The following CMC1 variants were observed in gnomAD, a reference collection of about 807,000 sequenced individuals.
The protein encoded by CMC1 is C-X9-C motif containing 1.
Under a neutral mutation model 14.1 loss-of-function variants are expected in CMC1, and 14 were observed. The observed-to-expected ratio is 0.99, with a 90% CI of 0.66 to 1.55. CMC1 has a LOEUF of 1.55. Among genes scored for constraint, CMC1 ranks in the 40% most tolerant of loss-of-function variants. The pLI is 0.00. For synonymous variants in CMC1, 50 were observed against 38.4 expected (o/e 1.30, Z -1.12); for missense variants, 127 against 123.8 (o/e 1.03, Z -0.12).
chr3:28,281,568 C>T (rs1376643758), intron 2 of CMC1, among the ~76,000 whole-genome samples: 1 of 152,140 alleles, frequency 6.6e-6, no homozygotes, highest in African/African-American at 2.4e-5. Context: ...ATGTTCAATA[C>T]TGTGAGAAGT....
At chr3:28,291,163 T>C (rs2125548180) in intron 2 of CMC1, among the ~76,000 whole-genome samples, 1 of 152,234 alleles carries the variant, frequency 6.6e-6, no homozygotes, top group East Asian at 1.9e-4. Context: ...TGTAACTCAG[T>C]CATAGAAGTG....
At chr3:28,268,816 T>C (rs1236704669) in intron 2 of CMC1, among the ~76,000 whole-genome samples, 1 of 152,234 alleles carries the variant, frequency 6.6e-6, no homozygotes, top group Non-Finnish European at 1.5e-5. Context: ...AATAGGCTTA[T>C]ATCAATCATA....
chr3:28,320,900 TCA>T lies in CMC1; in HGVS notation c.*1274_*1275del, dbSNP rs1441293292. The T allele has an allele frequency of 3.3e-5, 5 of 151,504 alleles. No homozygotes were observed. The East Asian group carries it at 9.8e-4, about 30-fold the overall frequency. The allele number at this position is 151,504 out of a possible 1,614,324, so 9.4% of individuals were successfully genotyped here. On this transcript the variant is annotated 3_prime_UTR_variant, in exon 4 of 4. Transcript: ENST00000466830. ...AGATAAGTAAATTTTACGTATATTT[TCA>T]CAGTCCTCATTAAAATCACAAATAG... is the stretch of plus-strand genomic sequence containing the variant.
At chr3:28,243,261 C>A (rs548172625) in intron 1 of CMC1, among the ~76,000 whole-genome samples, 1 of 151,876 alleles carries the variant, frequency 6.6e-6, no homozygotes, top group Non-Finnish European at 1.5e-5. Context: ...TCGCCGTGTT[C>A]GCCATGCTGG....
intron 1 of CMC1, among the ~76,000 whole-genome samples, chr3:28,248,747 C>T (rs951013335): frequency 6.6e-6 from 1 of 152,118 alleles, no homozygotes; most frequent in African/African-American, 2.4e-5. Context: ...ACTATTGATA[C>T]CCAAGTTAAC....
chr3:28,250,882 A>G (rs1301892798), intron 1 of CMC1, among the ~76,000 whole-genome samples: 1 of 152,210 alleles, frequency 6.6e-6, no homozygotes, highest in African/African-American at 2.4e-5. Context: ...ACCATTGTTC[A>G]GGATATTTTT....
chr3:28,271,031 A>G (rs1577016608), intron 2 of CMC1, among the ~76,000 whole-genome samples: 1 of 150,798 alleles, frequency 6.6e-6, no homozygotes, highest in East Asian at 2.0e-4. Context: ...CCCAGGTTCA[A>G]GCGATTCTCC....
chr3:28,281,016 G>T lies in CMC1; in HGVS notation c.109+17636G>T, dbSNP rs143782960. Among the ~76,000 whole-genome samples the T allele has an allele frequency of 2.0e-3, 298 of 152,288 alleles. 1 individual carries two copies. The highest frequency in any genetic ancestry group is 3.2e-3 in the African/African-American group (132 of 41,550). On this transcript the variant is annotated intron_variant, in intron 2 of 3. Coordinates refer to ENST00000466830, the MANE Select transcript of CMC1 (RefSeq NM_182523.2). ...GGGTAGTTGCAACAGAGACCATATG[G>T]CCTACAAAGCCTAAAATGTTTACTC...
intron 2 of CMC1, among the ~76,000 whole-genome samples, chr3:28,271,488 G>A (rs1340564465): frequency 6.6e-6 from 1 of 152,122 alleles, no homozygotes; most frequent in African/African-American, 2.4e-5. Flanking sequence ...TTTTTGTCAG[G>A]TTTGTCGAAG....
chr3:28,241,783 G>T lies in CMC1; in HGVS notation c.-11G>T, dbSNP rs1559392455. ...GCCGCCAAGCGGCTACGTTCTTCTC[G>T]GCCCGCCGAGATGGCGCTCGACCCC... is the stretch of plus-strand genomic sequence containing the variant. On this transcript the variant is annotated 5_prime_UTR_variant, in exon 1 of 4. Transcript: ENST00000466830. 1.0e-5 allele frequency: 13 copies of T among 1,240,752 alleles called. No individual in the cohort carries two copies. The highest frequency in any genetic ancestry group is 1.2e-5 in the Non-Finnish European group (12 of 988,094). The allele number at this position is 1,240,752 out of a possible 1,614,324, so 76.9% of individuals were successfully genotyped here. A position where few individuals can be genotyped will look rare whatever the true frequency, so the allele number is the denominator to read the frequency against.
chr3:28,258,456 G>A (rs1699539381), intron 1 of CMC1, among the ~76,000 whole-genome samples: 2 of 147,730 alleles, frequency 1.4e-5, no homozygotes, highest in Admixed American at 1.3e-4. Flanking sequence ...AATTTTTGTG[G>A]TTACTGTGAA....
intron 2 of CMC1, among the ~76,000 whole-genome samples, chr3:28,266,642 CTA>C (rs1474262809): frequency 6.6e-6 from 1 of 151,954 alleles, no homozygotes; most frequent in African/African-American, 2.4e-5. Context: ...TGCGCTCAAC[CTA>C]TGTTTCTTTT....
At chr3:28,286,151 T>C (rs1163559198) in intron 2 of CMC1, among the ~76,000 whole-genome samples, 1 of 152,186 alleles carries the variant, frequency 6.6e-6, no homozygotes, top group Non-Finnish European at 1.5e-5. Context: ...AAAGGCTGAA[T>C]CTAAGATATC....
intron 2 of CMC1, among the ~76,000 whole-genome samples, chr3:28,268,368 G>C (rs187598770): frequency 5.9e-5 from 9 of 152,336 alleles, no homozygotes; most frequent in Admixed American, 4.6e-4. Flanking sequence ...CACTCAGGGT[G>C]TGCTTAATTT....
intron 2 of CMC1, chr3:28,294,643 A>C (rs1400536539): frequency 6.3e-6 from 1 of 159,316 alleles, no homozygotes; most frequent in African/African-American, 2.4e-5. Context: ...AACATAAAGT[A>C]ATAATACCAG....
At chr3:28,284,322 A>G (rs1701056866) in intron 2 of CMC1, among the ~76,000 whole-genome samples, 1 of 152,182 alleles carries the variant, frequency 6.6e-6, no homozygotes, top group Non-Finnish European at 1.5e-5. Context: ...TTAGATGATG[A>G]GATTCAAATT....
At position 28,322,442 on chromosome 3, in the gene CMC1, T is replaced by G. The variant is rs1577115108; in HGVS notation, c.*2813T>G. 1.3e-5 allele frequency: 2 copies of G among 151,794 alleles called. No individual in the cohort carries two copies. Among genetic ancestry groups the G allele is most frequent in the East Asian group, 1.9e-4 (1 of 5,150 alleles). 9.4% of individuals were successfully genotyped at this position (151,794 alleles called of 1,614,324 possible). A position where few individuals can be genotyped will look rare whatever the true frequency, so the allele number is the denominator to read the frequency against. On this transcript the variant is annotated 3_prime_UTR_variant, in exon 4 of 4. Coordinates refer to ENST00000466830, the MANE Select transcript of CMC1 (RefSeq NM_182523.2). ...ATCAAGCAATTATCTCATAAGACTT[T>G]TTTTCTTTACAAAGGAAAATTTCCA... is the stretch of plus-strand genomic sequence containing the variant.
chr3:28,298,470 AT>A (rs1559434551), intron 2 of CMC1: 1 of 148,754 alleles, frequency 6.7e-6, no homozygotes, highest in East Asian at 1.9e-4. Context: ...TATATAAAGT[AT>A]ACATATTACA....
intron 1 of CMC1, among the ~76,000 whole-genome samples, chr3:28,258,058 C>CTT (rs1439406354): frequency 1.6e-5 from 1 of 62,088 alleles, no homozygotes; most frequent in Non-Finnish European, 3.4e-5. Context: ...TTTTGAGCAC[C>CTT]TTTATATATA....
Sources: allele counts gnomAD v4.1 joint callset (sites outside exome capture counted in the v4.1 genomes callset), GRCh38; gene constraint gnomAD v4.1.1; transcripts MANE v1.5; gene names NCBI Gene and HGNC (gene_info 2026-07-23, HGNC 2026-07-21).